BICD1: variants seen among roughly 807,000 people sequenced by gnomAD.
The protein encoded by BICD1 is protein bicaudal D homolog 1.
In BICD1, 35 loss-of-function variants were observed where a neutral mutation model predicts 92.5. The observed-to-expected ratio is 0.38, with a 90% confidence interval of 0.29 to 0.50. BICD1 has a LOEUF of 0.50. Ranked by LOEUF, BICD1 falls within the 20% of genes least tolerant of loss-of-function variation. The pLI is 0.93. For missense variants in BICD1, 950 were observed against 1,189.8 expected, an observed-to-expected ratio of 0.80 and a Z score of 2.97; for synonymous variants, 429 against 465.1, an observed-to-expected ratio of 0.92 and a Z score of 1.00.
intron 8 of BICD1, among the ~76,000 whole-genome samples, chr12:32,362,071 G>T: frequency 6.6e-6 from 1 of 152,178 alleles, no homozygotes; most frequent in East Asian, 1.9e-4. Context: ...AGAAAATTGG[G>T]TAGTTTGGCT....
chr12:32,210,560 T>C (rs1326608653), intron 1 of BICD1, among the ~76,000 whole-genome samples: 1 of 152,216 alleles, frequency 6.6e-6, no homozygotes, highest in South Asian at 2.1e-4. Context: ...ACTTATTACA[T>C]AGCTAACTGG....
intron 2 of BICD1, among the ~76,000 whole-genome samples, chr12:32,270,005 C>T (rs960265938): frequency 6.6e-6 from 1 of 151,526 alleles, no homozygotes; most frequent in Non-Finnish European, 1.5e-5. Flanking sequence ...ACCTATAGTC[C>T]CAGCTACTCG....
At chr12:32,256,172 C>A (rs61286541) in intron 2 of BICD1, among the ~76,000 whole-genome samples, 8,662 of 152,122 alleles carry the variant, frequency 0.057, 356 homozygotes, top group East Asian at 0.22. Context: ...CCTGTCTCAG[C>A]CTCCTGAGTA....
intron 8 of BICD1, 98 bp from the exon 9 acceptor site, chr12:32,367,572 C>G: frequency 9.0e-7 from 1 of 1,107,782 alleles, no homozygotes; most frequent in South Asian, 1.3e-5. Flanking sequence ...AATGCACATT[C>G]CTCACTAAAT....
chr12:32,212,612 C>A (rs1033024891), intron 1 of BICD1, among the ~76,000 whole-genome samples: 1 of 152,084 alleles, frequency 6.6e-6, no homozygotes, highest in African/African-American at 2.4e-5. Flanking sequence ...TTAACAGAGA[C>A]GGGGTTTTGC....
At chr12:32,342,204 G>GTGTA (rs375823999) in intron 8 of BICD1, among the ~76,000 whole-genome samples, 146 of 119,312 alleles carry the variant, frequency 1.2e-3, no homozygotes, top group East Asian at 5.0e-3. Context: ...GTGTGTGTGT[G>GTGTA]TATATATATA....
At chr12:32,275,931 T>C (rs1049032918) in intron 2 of BICD1, among the ~76,000 whole-genome samples, 19 of 152,182 alleles carry the variant, frequency 1.2e-4, no homozygotes, top group East Asian at 3.9e-4. Flanking sequence ...TTGGAATCCG[T>C]GAGGCCAAGA....
chr12:32,130,208 A>T (rs925844092), intron 1 of BICD1, among the ~76,000 whole-genome samples: 22 of 147,398 alleles, frequency 1.5e-4, no homozygotes, highest in African/African-American at 4.7e-4. Context: ...CAGTGACAAA[A>T]TTTTTTTTTT....
At chr12:32,126,014 A>T (rs1592338375) in intron 1 of BICD1, among the ~76,000 whole-genome samples, 1 of 145,528 alleles carries the variant, frequency 6.9e-6, no homozygotes, top group African/African-American at 2.6e-5. Flanking sequence ...GTGTCACTGC[A>T]CTCCAGCCTG....
At chr12:32,126,541 G>A (rs762216168) in intron 1 of BICD1, among the ~76,000 whole-genome samples, 6 of 151,974 alleles carry the variant, frequency 3.9e-5, no homozygotes, top group Non-Finnish European at 7.4e-5. Context: ...TGGATCACTT[G>A]ATACCAGGAG....
At chr12:32,130,193 A>G (rs1005015945) in intron 1 of BICD1, among the ~76,000 whole-genome samples, 7 of 150,316 alleles carry the variant, frequency 4.7e-5, no homozygotes, top group Non-Finnish European at 5.9e-5. Context: ...AAATATGATA[A>G]TATACAGTGA....
intron 2 of BICD1, among the ~76,000 whole-genome samples, chr12:32,251,758 T>G (rs1320130551): frequency 6.6e-6 from 1 of 151,592 alleles, no homozygotes; most frequent in Non-Finnish European, 1.5e-5. Flanking sequence ...ACTTTCATAT[T>G]TATGCATTTT....
chr12:32,254,846 C>CT (rs1230984471), intron 2 of BICD1, among the ~76,000 whole-genome samples: 1 of 152,158 alleles, frequency 6.6e-6, no homozygotes, highest in Non-Finnish European at 1.5e-5. Flanking sequence ...TTTAATTAGT[C>CT]TGTTTTGTTC....
At chr12:32,127,117 C>G (rs1439644872) in intron 1 of BICD1, among the ~76,000 whole-genome samples, 1 of 152,084 alleles carries the variant, frequency 6.6e-6, no homozygotes, top group Non-Finnish European at 1.5e-5. Flanking sequence ...TCTTTTTACT[C>G]TTTCTGTGGT....
In BICD1 at chr12:32,107,379, G is replaced by T. The variant is rs753716472; in HGVS notation, c.48G>T (p.Glu16Asp). ...VLQTVDHYKT[E>D]IERLTKELTE... is the part of the protein sequence containing the mutation. ...AGACGGTGGACCATTATAAGACTGAGATAGAGAGGCTAACCAAGGAGCTCA... is the reference window on the plus strand; with the variant it reads ...AGACGGTGGACCATTATAAGACTGATATAGAGAGGCTAACCAAGGAGCTCA... The change falls in exon 1 of 10, where the codon GAG becomes GAT. Residue 16 changes from glutamate to aspartate, a missense_variant. By Grantham distance (45) the Glu-to-Asp change is conservative (BLOSUM62 2). Coordinates refer to ENST00000652176, the MANE Select transcript of BICD1 (RefSeq NM_001714.4). 1.3e-5 allele frequency: 21 copies of T among 1,611,170 alleles called. No individual in the cohort carries two copies. The highest frequency in any genetic ancestry group is 1.7e-5 in the Admixed American group (1 of 59,496).
chr12:32,340,442 A>G, intron 8 of BICD1: 3 of 985,466 alleles, frequency 3.0e-6, no homozygotes, highest in Non-Finnish European at 3.6e-6. Flanking sequence ...CCTAACTCGG[A>G]TAAAACCCAC....
chr12:32,119,869 T>TCAAAA (rs5797453), intron 1 of BICD1, among the ~76,000 whole-genome samples: 104,362 of 150,874 alleles, frequency 0.69, 36,679 homozygotes, highest in Middle Eastern at 0.81. Flanking sequence ...AGACTCTGTC[T>TCAAAA]CAAAACAAAA....
intron 2 of BICD1, among the ~76,000 whole-genome samples, chr12:32,240,495 C>G (rs1946205831): frequency 6.6e-6 from 1 of 152,182 alleles, no homozygotes; most frequent in African/African-American, 2.4e-5. Flanking sequence ...CATCTTGTTT[C>G]AATGTCACGT....
At chr12:32,158,488 T>TA (rs1014896502) in intron 1 of BICD1, among the ~76,000 whole-genome samples, 1 of 151,564 alleles carries the variant, frequency 6.6e-6, no homozygotes, top group Non-Finnish European at 1.5e-5. Context: ...AAATTTAAAA[T>TA]AAAAAAAAAT....
Sources: allele counts gnomAD v4.1 joint callset (sites outside exome capture counted in the v4.1 genomes callset), GRCh38; gene constraint gnomAD v4.1.1; transcripts MANE v1.5; gene names NCBI Gene and HGNC (gene_info 2026-07-23, HGNC 2026-07-21).